Variants in HS1BP3 observed in about 807,000 individuals in gnomAD.
The protein encoded by HS1BP3 is HCLS1-binding protein 3.
A neutral mutation model predicts 33.5 loss-of-function variants in HS1BP3; 32 were observed. The observed-to-expected ratio is 0.95, with a 90% CI of 0.72 to 1.28. The LOEUF is 1.28. Among genes scored for constraint, HS1BP3 ranks in the 50% most tolerant of loss-of-function variants. The probability of loss-of-function intolerance (pLI) is 0.00; values close to 1 mark genes in which losing one functional copy is unlikely to be tolerated. For missense variants in HS1BP3, 486 were observed against 502.3 expected (o/e 0.97, Z 0.31); for synonymous variants, 187 against 209.2 (o/e 0.89, Z 0.92).
In HS1BP3 at chr2:20,645,376, C is replaced by A; in HGVS notation, c.162G>T (p.Ser54=). The A allele has an allele frequency of 1.9e-6, 3 of 1,613,996 alleles. No individual in the cohort carries two copies. Among genetic ancestry groups the A allele is most frequent in the Non-Finnish European group, 2.5e-6 (3 of 1,179,978 alleles). The change falls in exon 2 of 7, where the codon TCG becomes TCT. Residue 54 remains serine, a synonymous_variant. Coordinates refer to ENST00000304031, the MANE Select transcript of HS1BP3 (RefSeq NM_022460.4). ...LVVTRLAAFK[S]AKHRPEDVVQ... The stretch of plus-strand genomic sequence containing the variant: ...CGACATCCTCGGGCCTGTGCTTGGC[C>A]GACTTGAACGCAGCCAGACGGGTCA...
intron 5 of HS1BP3, among the ~76,000 whole-genome samples, chr2:20,563,127 G>C (rs1693041489): frequency 6.6e-6 from 1 of 152,210 alleles, no homozygotes; most frequent in Non-Finnish European, 1.5e-5. Context: ...CATCCTCTTG[G>C]AGCCAGCCTG....
rs879806669 is a variant in HS1BP3, at chr2:20,622,459, G to C, written c.920+1437C>G. On this transcript the variant is annotated intron_variant, in intron 6 of 6. Transcript: ENST00000304031. The stretch of plus-strand genomic sequence containing the variant: ...GGGATGCTAAGGGGCACCACAGAGT[G>C]GGGGGCCCAGGGATGAATGAGAACG... 2.4e-5 allele frequency: 11 copies of C among 459,754 alleles called. 1 individual carries two copies. Among genetic ancestry groups the C allele is most frequent in the South Asian group, 8.5e-5 (5 of 58,752 alleles). The allele number at this position is 459,754 out of a possible 1,614,324, so 28.5% of individuals were successfully genotyped here. A position where few individuals can be genotyped will look rare whatever the true frequency, so the allele number is the denominator to read the frequency against.
chr2:20,622,762 G>A (rs889088829), intron 6 of HS1BP3: 15 of 169,150 alleles, frequency 8.9e-5, no homozygotes, highest in African/African-American at 2.8e-4. Context: ...CCTGTGCCTC[G>A]GTTTCCCTCT....
At chr2:20,573,818 TC>T (rs1693335429) in intron 5 of HS1BP3, among the ~76,000 whole-genome samples, 1 of 152,196 alleles carries the variant, frequency 6.6e-6, no homozygotes, top group African/African-American at 2.4e-5. Flanking sequence ...GGTGCTGACC[TC>T]GAGGTAACTT....
chr2:20,648,768 T>A (rs919557947), intron 1 of HS1BP3, among the ~76,000 whole-genome samples: 1 of 152,124 alleles, frequency 6.6e-6, no homozygotes, highest in African/African-American at 2.4e-5. Context: ...CTGCCTGACA[T>A]CCCCACTGGG....
intron 1 of HS1BP3, among the ~76,000 whole-genome samples, chr2:20,647,568 C>T (rs370131128): frequency 3.3e-5 from 5 of 152,170 alleles, no homozygotes; most frequent in East Asian, 1.9e-4. Flanking sequence ...AAGGCATGTT[C>T]GGGCCTAGGG....
chr2:20,605,957 A>G (rs144509519), intron 2 of HS1BP3, among the ~76,000 whole-genome samples: 154 of 152,340 alleles, frequency 1.0e-3, no homozygotes, highest in Middle Eastern at 3.4e-3. Flanking sequence ...TCTTTGGGGC[A>G]TATACCTAGG....
downstream of HS1BP3, among the ~76,000 whole-genome samples, chr2:20,557,262 C>T (rs1286069220): frequency 6.6e-6 from 1 of 152,172 alleles, no homozygotes; most frequent in African/African-American, 2.4e-5. Context: ...TATCATTGGC[C>T]TTCCGAAATT....
At chr2:20,584,123 G>C (rs554210634) in intron 5 of HS1BP3, among the ~76,000 whole-genome samples, 2 of 152,310 alleles carry the variant, frequency 1.3e-5, no homozygotes, top group African/African-American at 4.8e-5. Context: ...AGGACACAGG[G>C]CTGTGTCCCC....
downstream of HS1BP3, among the ~76,000 whole-genome samples, chr2:20,560,281 G>A (rs1438457750): frequency 6.6e-6 from 1 of 152,188 alleles, no homozygotes; most frequent in Non-Finnish European, 1.5e-5. Context: ...TCTCATTTGT[G>A]GGTGGGTAGG....
intron 6 of HS1BP3, among the ~76,000 whole-genome samples, chr2:20,621,682 C>T (rs778615182): frequency 3.3e-5 from 5 of 152,240 alleles, no homozygotes; most frequent in Non-Finnish European, 5.9e-5. Flanking sequence ...ATAAAGCAGC[C>T]GCTAGAGGCT....
At chr2:20,584,111 C>T (rs933224993) in intron 5 of HS1BP3, among the ~76,000 whole-genome samples, 2 of 152,158 alleles carry the variant, frequency 1.3e-5, no homozygotes, top group South Asian at 2.1e-4. Context: ...TGGCACTGAG[C>T]GAGGACACAG....
At chr2:20,614,582 C>T (rs979336046), downstream of HS1BP3, among the ~76,000 whole-genome samples, 4 of 152,210 alleles carry the variant, frequency 2.6e-5, no homozygotes, top group Admixed American at 6.5e-5. Context: ...CTCCAACTTG[C>T]CTGGAACAGG....
At chr2:20,561,254 G>A (rs1390074472) in intron 5 of HS1BP3, among the ~76,000 whole-genome samples, 1 of 152,168 alleles carries the variant, frequency 6.6e-6, no homozygotes, top group Non-Finnish European at 1.5e-5. Flanking sequence ...TGGCACATGG[G>A]ATCCCTTTCT....
At chr2:20,554,686 A>C in the HS1BP3 span, among the ~76,000 whole-genome samples, 3 of 149,804 alleles carry the variant, frequency 2.0e-5, no homozygotes, top group African/African-American at 7.5e-5. Flanking sequence ...CCTGAACAAC[A>C]AGAGTGAAAC....
At chr2:20,593,043 C>T (rs1260228065) in intron 3 of HS1BP3, among the ~76,000 whole-genome samples, 6 of 152,140 alleles carry the variant, frequency 3.9e-5, no homozygotes, top group African/African-American at 1.4e-4. Context: ...TGACCTCCAA[C>T]CTCCCGCTGT....
chr2:20,637,531 C>T (rs1283656120), intron 4 of HS1BP3: 3 of 152,432 alleles, frequency 2.0e-5, no homozygotes, highest in South Asian at 4.1e-4. Context: ...CCCTGAGCGC[C>T]GCGTACCCTT....
At chr2:20,627,194 G>A (rs1169974510) in intron 4 of HS1BP3, among the ~76,000 whole-genome samples, 5 of 152,182 alleles carry the variant, frequency 3.3e-5, no homozygotes, top group Non-Finnish European at 7.4e-5. Flanking sequence ...GAGCCACCCC[G>A]GCCCCTACCC....
chr2:20,640,648 T>C (rs1695309441), intron 3 of HS1BP3: 2 of 513,020 alleles, frequency 3.9e-6, no homozygotes, highest in African/African-American at 3.8e-5. Context: ...TGTCAGGGGG[T>C]TGTATGTGGT....
Sources: allele counts gnomAD v4.1 joint callset (sites outside exome capture counted in the v4.1 genomes callset), GRCh38; gene constraint gnomAD v4.1.1; transcripts MANE v1.5; gene names NCBI Gene and HGNC (gene_info 2026-07-23, HGNC 2026-07-21).